PIEZO2: variants seen among roughly 807,000 people sequenced by gnomAD.
PIEZO2 encodes piezo-type mechanosensitive ion channel component 2.
In PIEZO2, 172 loss-of-function variants were observed where a neutral mutation model predicts 337.3. The ratio of observed to expected loss-of-function variants is 0.51; its 90% CI spans 0.45 to 0.58. The LOEUF (loss-of-function observed/expected upper bound fraction) is 0.58, where lower values mean the gene tolerates loss of function less well. Ranked by LOEUF, PIEZO2 falls within the 20% of genes least tolerant of loss-of-function variation. The pLI is 0.00. For synonymous variants in PIEZO2, 1,251 were observed against 1,228.5 expected, an observed-to-expected ratio of 1.02 and a Z score of -0.38; for missense variants, 3,028 against 3,391.3, an observed-to-expected ratio of 0.89 and a Z score of 2.66.
Position 10,689,599 on chromosome 18 carries a change from C to G in PIEZO2, c.7497+56G>C. 1.9e-6 allele frequency: 3 copies of G among 1,610,034 alleles called. No individual in the cohort carries two copies. The South Asian group carries it at 3.3e-5, about 18-fold the overall frequency. ...GCAGAAGTTCACATTCATCTTATAA[C>G]CAGCCTGTATCTAAGAGAAGCAGAC... On this transcript the variant is annotated intron_variant, in intron 49 of 55. Transcript: ENST00000674853.
In PIEZO2 at chr18:10,839,964, C is replaced by T. The variant is rs2041141577; in HGVS notation, c.917+15389G>A. ...AGTCTCACAAAAACTTGCATCTTCT[C>T]ACTTAAAGTACAGGTTAAATGTTTC... On this transcript the variant is annotated intron_variant, in intron 7 of 55. Coordinates refer to ENST00000674853, the MANE Select transcript of PIEZO2 (RefSeq NM_001378183.1). Among the ~76,000 whole-genome samples the T allele has an allele frequency of 1.3e-5, 2 of 152,158 alleles. 1 individual carries two copies. Among genetic ancestry groups the T allele is most frequent in the East Asian group, 3.9e-4 (2 of 5,190 alleles).
chr18:10,766,454 C>T lies in PIEZO2; in HGVS notation c.2947-3356G>A, dbSNP rs189517630. 6.6e-6 allele frequency among the ~76,000 whole-genome samples: 1 copy of T among 152,308 alleles called. No homozygotes were observed. The highest frequency in any genetic ancestry group is 1.9e-4 in the East Asian group (1 of 5,188). On this transcript the variant is annotated intron_variant, in intron 21 of 55. Transcript: ENST00000674853. This position sits in a 1 kb window ranked among gnomAD's most constrained non-coding sequence, Gnocchi z 6.1. ...ATAACAACTGTCCAGGTGATTCTTA[C>T]TATCAAGGATTTTGAGAAACAGTTT... is the stretch of plus-strand genomic sequence containing the variant.
chr18:11,114,065 T>C (rs2039815371), intron 1 of PIEZO2, among the ~76,000 whole-genome samples: 2 of 152,264 alleles, frequency 1.3e-5, no homozygotes, highest in South Asian at 2.1e-4. Context: ...TATCATTCCA[T>C]GTTGATAATC....
At position 10,859,268 on chromosome 18, in the gene PIEZO2, T is replaced by C. The variant is rs1249847059; in HGVS notation, c.493-2057A>G. On this transcript the variant is annotated intron_variant, in intron 5 of 55. Coordinates refer to ENST00000674853, the MANE Select transcript of PIEZO2 (RefSeq NM_001378183.1). The surrounding 1 kb of genome is among the most constrained non-coding windows in gnomAD (Gnocchi z 4.9). The stretch of plus-strand genomic sequence containing the variant: ...CTTGGTGGCATGTGCAGAAAGAGGG[T>C]AAGTGTCCCCAGGCCCGTGGCCACT... Among the ~76,000 whole-genome samples, 1 of 152,090 alleles carries C rather than the reference T, an allele frequency of 6.6e-6. No homozygotes were observed. The highest frequency in any genetic ancestry group is 1.5e-5 in the Non-Finnish European group (1 of 68,026).
rs2034588045 is a variant in PIEZO2 at position 10,979,590 on chromosome 18, G to A, written c.231C>T (p.Phe77=). 1 of 1,536,186 alleles carries A rather than the reference G, an allele frequency of 6.5e-7. No individual in the cohort carries two copies. The highest frequency in any genetic ancestry group is 8.7e-7 in the Non-Finnish European group (1 of 1,146,098). The part of the protein sequence containing the change: ...SLSFLLLHII[F]HITLVSLEAQ... ...CTTCAAGGCTCACCAACGTGATGTG[G>A]AAAATGATGTGCAGCAACAGGAAGG... The change falls in exon 3 of 56, where the codon TTC becomes TTT. Residue 77 remains phenylalanine, a synonymous_variant. Transcript: ENST00000674853. This position sits in a 1 kb window ranked among gnomAD's most constrained non-coding sequence, Gnocchi z 4.0.
chr18:10,994,184 T>C (rs1196285309), intron 2 of PIEZO2, among the ~76,000 whole-genome samples: 1 of 152,214 alleles, frequency 6.6e-6, no homozygotes, highest in Non-Finnish European at 1.5e-5. Context: ...ATGCCATCAA[T>C]TCATTCCCTT....
chr18:10,900,139 G>A (rs967451690), intron 4 of PIEZO2, among the ~76,000 whole-genome samples: 1 of 151,414 alleles, frequency 6.6e-6, no homozygotes, highest in Non-Finnish European at 1.5e-5. Context: ...CCTAGGTAAA[G>A]CTCTCAACAG....
At position 10,807,152 on chromosome 18, in the gene PIEZO2, G is replaced by T. The variant is rs1178675842; in HGVS notation, c.1040C>A (p.Thr347Asn). The T allele has an allele frequency of 9.1e-6, 14 of 1,537,266 alleles. No homozygotes were observed. The highest frequency in any genetic ancestry group is 1.2e-5 in the Non-Finnish European group (14 of 1,146,906). The change falls in exon 8 of 56, where the codon ACT becomes AAT. Residue 347 changes from threonine to asparagine, a missense_variant. This residue lies in a region of PIEZO2 where 542 missense variants were observed against 605.6 expected (regional missense o/e 0.89). Transcript: ENST00000674853. ...CCAGATGCGGATCAGAGTGGCCAGA[G>T]TGTAGTACATCACCAGCAGGAGGAT... Reference protein sequence around the residue: ...NPILLLVMYYTLATLIRIWLQ... With the variant: ...NPILLLVMYYNLATLIRIWLQ...
chr18:11,053,395 T>C (rs2037599399), intron 2 of PIEZO2, among the ~76,000 whole-genome samples: 1 of 152,226 alleles, frequency 6.6e-6, no homozygotes, highest in Non-Finnish European at 1.5e-5. Context: ...TTTCTAAGTC[T>C]AGCTCACTCT....
chr18:10,875,093 A>G (rs1303775942), intron 4 of PIEZO2, among the ~76,000 whole-genome samples: 1 of 152,160 alleles, frequency 6.6e-6, no homozygotes, highest in Non-Finnish European at 1.5e-5. Flanking sequence ...TACAATTATT[A>G]CAAATCAACT....
At position 10,942,060 on chromosome 18, in the gene PIEZO2, T is replaced by A. The variant is rs189418169; in HGVS notation, c.287-30832A>T. ...AGATGTGACTTGCTCCTCCTTGCTT[T>A]CGGCCACGATCGTGAGGCCTCTCCA... On this transcript the variant is annotated intron_variant, in intron 3 of 55. Transcript: ENST00000674853. This position sits in a 1 kb window ranked among gnomAD's most constrained non-coding sequence, Gnocchi z 4.4. 5.1e-3 allele frequency among the ~76,000 whole-genome samples: 782 copies of A among 152,318 alleles called. 5 individuals carry two copies. The highest frequency in any genetic ancestry group is 0.017 in the African/African-American group (726 of 41,566).
chr18:10,702,901 G>T (rs1000372452), intron 42 of PIEZO2, among the ~76,000 whole-genome samples: 1 of 152,112 alleles, frequency 6.6e-6, no homozygotes, highest in Non-Finnish European at 1.5e-5. Flanking sequence ...TCTTGCTCAC[G>T]GTGGAGTGCA....
At chr18:10,896,272 C>G (rs537410547) in intron 4 of PIEZO2, among the ~76,000 whole-genome samples, 268 of 152,178 alleles carry the variant, frequency 1.8e-3, no homozygotes, top group Non-Finnish European at 1.8e-3. Context: ...AAATTAAACT[C>G]CTGTTTTCTG....
At chr18:11,140,157 G>C (rs1187027571) in intron 1 of PIEZO2, among the ~76,000 whole-genome samples, 1 of 152,144 alleles carries the variant, frequency 6.6e-6, no homozygotes, top group African/African-American at 2.4e-5. Context: ...ATGGACACCT[G>C]AGGCTCCCTT....
At chr18:10,900,026 T>C (rs1426722840) in intron 4 of PIEZO2, among the ~76,000 whole-genome samples, 1 of 152,200 alleles carries the variant, frequency 6.6e-6, no homozygotes, top group Non-Finnish European at 1.5e-5. Flanking sequence ...GATTGCTTAT[T>C]TTTGCTAGAA....
intron 4 of PIEZO2, among the ~76,000 whole-genome samples, chr18:10,896,774 G>T (rs529521208): frequency 6.6e-6 from 1 of 152,160 alleles, no homozygotes; most frequent in Non-Finnish European, 1.5e-5. Context: ...ACTGATCCTT[G>T]CTGTGTGAGG....
At chr18:10,840,586 A>T (rs969653570) in intron 7 of PIEZO2, among the ~76,000 whole-genome samples, 6 of 152,208 alleles carry the variant, frequency 3.9e-5, no homozygotes, top group African/African-American at 1.4e-4. Context: ...GCTCAATACA[A>T]GTAATCTATT....
At position 10,713,576 on chromosome 18, in the gene PIEZO2, C is replaced by G. The variant is rs905073404; in HGVS notation, c.5423+1188G>C. On this transcript the variant is annotated intron_variant, in intron 39 of 55. Coordinates refer to ENST00000674853, the MANE Select transcript of PIEZO2 (RefSeq NM_001378183.1). The surrounding 1 kb of genome is among the most constrained non-coding windows in gnomAD (Gnocchi z 4.5). ...GTTTCTGACCAGCAGTCAGAGACAC[C>G]AGTCTCTACTGTCCTCCCCAGGGCA... Among the ~76,000 whole-genome samples, 1 of 152,138 alleles carries G rather than the reference C, an allele frequency of 6.6e-6. No homozygotes were observed. Among genetic ancestry groups the G allele is most frequent in the Non-Finnish European group, 1.5e-5 (1 of 68,030 alleles).
intron 36 of PIEZO2, among the ~76,000 whole-genome samples, chr18:10,720,419 GTATATATATATATATATATATATA>G (rs74177567): frequency 4.0e-3 from 37 of 9,250 alleles, no homozygotes; most frequent in Non-Finnish European, 5.5e-3. Flanking sequence ...GTATGTGTAT[GTATATATATATATATATATATATA>G]TATATATATA....
Sources: gnomAD v4.1 joint callset for allele counts (sites outside exome capture counted in the v4.1 genomes callset) on GRCh38, gnomAD v4.1.1 for gene constraint, gnomAD v4.1.1 regional missense constraint, Gnocchi (gnomAD v3.1) non-coding constraint, MANE v1.5 for transcripts, NCBI Gene and HGNC (gene_info 2026-07-23, HGNC 2026-07-21) for gene names.